ASTN2: variants seen among roughly 807,000 people sequenced by gnomAD.
The protein encoded by ASTN2 is astrotactin 2.
ASTN2 carries 54 observed loss-of-function variants against 139.8 expected under a neutral mutation model. The observed-to-expected ratio is 0.39, with a 90% CI of 0.31 to 0.48. The LOEUF is 0.48. ASTN2 is among the 20% of genes least tolerant of loss of function. ASTN2 has a pLI of 0.95. For synonymous variants in ASTN2, 756 were observed against 719.5 expected (o/e 1.05, Z -0.81); for missense variants, 1,565 against 1,725.1 (o/e 0.91, Z 1.64).
intron 1 of ASTN2, among the ~76,000 whole-genome samples, chr9:117,321,997 C>A (rs1395975719): frequency 6.6e-6 from 1 of 152,140 alleles, no homozygotes; most frequent in Non-Finnish European, 1.5e-5. Context: ...AAAGCAAATT[C>A]TTTAAAAAAG....
chr9:117,411,814 G>A (rs1431933195), intron 1 of ASTN2, among the ~76,000 whole-genome samples: 1 of 152,156 alleles, frequency 6.6e-6, no homozygotes, highest in Admixed American at 6.5e-5. Context: ...TGTGGCACTG[G>A]CCATGTCCGT....
chr9:116,921,604 A>AG (rs2132436815), intron 10 of ASTN2, among the ~76,000 whole-genome samples: 1 of 151,650 alleles, frequency 6.6e-6, no homozygotes, highest in South Asian at 2.1e-4. Context: ...AAAAAAAAAA[A>AG]AAGAACTACC....
At chr9:117,194,813 A>C (rs1024537516) in intron 3 of ASTN2, among the ~76,000 whole-genome samples, 6 of 152,232 alleles carry the variant, frequency 3.9e-5, no homozygotes, top group African/African-American at 1.2e-4. Context: ...TGATAAGGAT[A>C]ATACATTCTT....
At chr9:116,929,250 G>A (rs910550636) in intron 10 of ASTN2, among the ~76,000 whole-genome samples, 9 of 152,136 alleles carry the variant, frequency 5.9e-5, no homozygotes, top group Non-Finnish European at 8.8e-5. Flanking sequence ...GAGAAGAGGC[G>A]GAAGTGTGGC....
intron 4 of ASTN2, among the ~76,000 whole-genome samples, chr9:117,112,844 C>T (rs532362902): frequency 6.6e-6 from 1 of 152,214 alleles, no homozygotes; most frequent in South Asian, 2.1e-4. Context: ...GGGAAAATAA[C>T]TGTAATACAT....
chr9:116,511,506 T>C (rs2119188395), intron 19 of ASTN2, among the ~76,000 whole-genome samples: 1 of 152,358 alleles, frequency 6.6e-6, no homozygotes, highest in South Asian at 2.1e-4. Flanking sequence ...ATTAGGATGA[T>C]GCTGGCCTCG....
At chr9:117,273,007 C>T (rs941023641) in intron 2 of ASTN2, among the ~76,000 whole-genome samples, 15 of 152,148 alleles carry the variant, frequency 9.9e-5, no homozygotes, top group African/African-American at 3.6e-4. Flanking sequence ...TACCAATTTA[C>T]TGTATTTTTA....
intron 4 of ASTN2, among the ~76,000 whole-genome samples, chr9:117,127,672 G>GTTTTT (rs11427891): frequency 0.011 from 789 of 70,908 alleles, 94 homozygotes; most frequent in Non-Finnish European, 0.016. Flanking sequence ...TTTTGTTTTG[G>GTTTTT]TTTTTTTTTT....
intron 3 of ASTN2, among the ~76,000 whole-genome samples, chr9:117,150,649 T>G (rs1277843548): frequency 6.6e-6 from 1 of 152,150 alleles, no homozygotes; most frequent in African/African-American, 2.4e-5. Flanking sequence ...TAAGCTGGTT[T>G]AGGATTAACT....
At chr9:117,149,041 A>T (rs1271263311) in intron 3 of ASTN2, among the ~76,000 whole-genome samples, 1 of 150,480 alleles carries the variant, frequency 6.6e-6, no homozygotes, top group Non-Finnish European at 1.5e-5. Flanking sequence ...TTTTTTTGAG[A>T]CGGAGTCTCA....
At chr9:116,662,981 A>T (rs989778039) in intron 16 of ASTN2, among the ~76,000 whole-genome samples, 2 of 152,186 alleles carry the variant, frequency 1.3e-5, no homozygotes, top group Non-Finnish European at 2.9e-5. Flanking sequence ...GCTGAGATGG[A>T]TCATTAATAG....
chr9:116,984,665 T>C (rs1408768952), intron 7 of ASTN2, among the ~76,000 whole-genome samples: 1 of 152,184 alleles, frequency 6.6e-6, no homozygotes, highest in Non-Finnish European at 1.5e-5. Context: ...GAAAATTAAG[T>C]GGCAAACAAT....
At position 116,745,528 on chromosome 9, in the gene ASTN2, G is replaced by A. The variant is rs573284992; in HGVS notation, c.2397-12005C>T. ...ATCTCAAGATCACCAACTCTGCTAG[G>A]TATGATTGTTCTCTGCACGTGTTTC... On this transcript the variant is annotated intron_variant, in intron 13 of 22. Transcript: ENST00000313400. Among the ~76,000 whole-genome samples the A allele has an allele frequency of 1.4e-3, 215 of 152,258 alleles. 3 individuals are homozygous for A. Among genetic ancestry groups the A allele is most frequent in the African/African-American group, 5.0e-3 (209 of 41,544 alleles).
At chr9:117,183,039 A>C (rs1437706027) in intron 3 of ASTN2, among the ~76,000 whole-genome samples, 1 of 152,166 alleles carries the variant, frequency 6.6e-6, no homozygotes, top group Non-Finnish European at 1.5e-5. Flanking sequence ...TTCCAGCTTA[A>C]ATCTTCCTTC....
At chr9:117,071,685 T>C (rs376765978) in intron 5 of ASTN2, among the ~76,000 whole-genome samples, 13,512 of 141,694 alleles carry the variant, frequency 0.095, 702 homozygotes, top group East Asian at 0.15. Flanking sequence ...TAGGACCCTC[T>C]GAGCCAGGTG....
intron 19 of ASTN2, among the ~76,000 whole-genome samples, chr9:116,565,255 C>CACACACACACACAT (rs1237588683): frequency 5.0e-4 from 56 of 111,038 alleles, no homozygotes; most frequent in African/African-American, 2.2e-3. Flanking sequence ...CACACACACA[C>CACACACACACACAT]ACATATGCCC....
intron 2 of ASTN2, among the ~76,000 whole-genome samples, chr9:117,238,387 C>T (rs537194628): frequency 2.2e-4 from 34 of 152,182 alleles, no homozygotes; most frequent in Non-Finnish European, 3.8e-4. Context: ...TAATAAGTGA[C>T]GTTGGTCAAG....
intron 16 of ASTN2, among the ~76,000 whole-genome samples, chr9:116,703,704 T>C (rs1827912712): frequency 7.0e-6 from 1 of 142,184 alleles, no homozygotes; most frequent in Admixed American, 7.5e-5. Context: ...TGTGCACATG[T>C]ACCCTAAAAC....
At chr9:117,308,313 T>C (rs932517198) in intron 1 of ASTN2, among the ~76,000 whole-genome samples, 6 of 152,286 alleles carry the variant, frequency 3.9e-5, no homozygotes, top group African/African-American at 1.4e-4. Flanking sequence ...CCAGACATTA[T>C]GCTTATCAAT....
Sources: gnomAD v4.1 joint callset for allele counts (sites outside exome capture counted in the v4.1 genomes callset) on GRCh38, gnomAD v4.1.1 for gene constraint, MANE v1.5 for transcripts, NCBI Gene and HGNC (gene_info 2026-07-23, HGNC 2026-07-21) for gene names.